Variants in MRPL47 observed in about 807,000 individuals in gnomAD.
MRPL47 encodes the protein large ribosomal subunit protein uL29m.
Under a neutral mutation model 34.0 loss-of-function variants are expected in MRPL47, and 31 were observed. The observed-to-expected ratio is 0.91, with a 90% CI of 0.68 to 1.23. The LOEUF (loss-of-function observed/expected upper bound fraction) is 1.23. Among genes scored for constraint, MRPL47 ranks in the 50% most tolerant of loss-of-function variants. The pLI is 0.00. For synonymous variants in MRPL47, 106 were observed against 101.6 expected, an observed-to-expected ratio of 1.04 and a Z score of -0.26; for missense variants, 328 against 285.8, an observed-to-expected ratio of 1.15 and a Z score of -1.07.
intron 4 of MRPL47, 35 bp from the exon 5 acceptor site, chr3:179,593,930 T>C (rs1718733541): frequency 6.3e-7 from 1 of 1,587,030 alleles, no homozygotes; most frequent in Non-Finnish European, 8.6e-7. Context: ...ATTTCAACAA[T>C]CATCTACTAC....
intron 3 of MRPL47, among the ~76,000 whole-genome samples, chr3:179,600,093 C>A (rs1718891949): frequency 6.6e-6 from 1 of 151,494 alleles, no homozygotes; most frequent in Non-Finnish European, 1.5e-5. Context: ...TGCACTCCGG[C>A]CTGGGCGACA....
chr3:179,588,851 A>T lies in MRPL47; in HGVS notation c.*21T>A. On this transcript the variant is annotated 3_prime_UTR_variant, in exon 7 of 7. Coordinates refer to ENST00000476781, the MANE Select transcript of MRPL47 (RefSeq NM_020409.3). The stretch of plus-strand genomic sequence containing the variant: ...GACTATTCAAGAAAAACAAAATGGT[A>T]AATTTAATAGTTCAGACATCTTAGA... The T allele has an allele frequency of 6.2e-7, 1 of 1,605,262 alleles. No homozygotes were observed.
rs1718624781 is a variant in MRPL47, at chr3:179,589,719, G to A, written c.630-724C>T. On this transcript the variant is annotated intron_variant, in intron 6 of 6. Transcript: ENST00000476781. ...AATACAATATGCCAGTGCTATGGGA[G>A]AGGTCATAGAAAATTGAGATAACAC... 2.0e-5 allele frequency among the ~76,000 whole-genome samples: 3 copies of A among 152,146 alleles called. No individual in the cohort carries two copies. In the South Asian group the frequency reaches 6.2e-4, roughly 32 times the overall value.
intron 1 of MRPL47, among the ~76,000 whole-genome samples, chr3:179,603,594 ATACTTCCTCCTT>A (rs1302517685): frequency 2.0e-5 from 3 of 152,180 alleles, no homozygotes; most frequent in Non-Finnish European, 4.4e-5. Flanking sequence ...GGAGCCTCAA[ATACTTCCTCCTT>A]TAATTCAGTA....
intron 2 of MRPL47, 69 bp downstream of exon 2, chr3:179,602,583 G>T: frequency 3.7e-6 from 3 of 800,554 alleles, no homozygotes; most frequent in Non-Finnish European, 3.9e-6. Context: ...ATCCTAGAAC[G>T]ATGGTTGGGC....
chr3:179,596,553 C>T (rs1000484349), intron 4 of MRPL47, among the ~76,000 whole-genome samples: 4 of 152,170 alleles, frequency 2.6e-5, no homozygotes, highest in Admixed American at 2.0e-4. Context: ...AGATAATCCA[C>T]GGTTGAAGTT....
At chr3:179,603,218 G>A (rs187072911) in intron 1 of MRPL47, among the ~76,000 whole-genome samples, 1 of 152,290 alleles carries the variant, frequency 6.6e-6, no homozygotes, top group East Asian at 1.9e-4. Flanking sequence ...ATGGGTGCAA[G>A]CGCAGGTAAA....
intron 3 of MRPL47, among the ~76,000 whole-genome samples, chr3:179,601,144 G>C (rs570776430): frequency 3.5e-4 from 53 of 152,342 alleles, no homozygotes; most frequent in African/African-American, 1.3e-3. Flanking sequence ...GGGCACAGTG[G>C]CTCATGCCTG....
chr3:179,589,074 C>G (rs1718601574), intron 6 of MRPL47, 79 bp from the exon 7 acceptor site: 1 of 1,369,004 alleles, frequency 7.3e-7, no homozygotes, highest in East Asian at 2.3e-5. Context: ...ATGCATAAAT[C>G]AATTACATCA....
chr3:179,598,571 G>A (rs1198079282), intron 4 of MRPL47, 104 bp downstream of exon 4: 6 of 765,656 alleles, frequency 7.8e-6, no homozygotes, highest in African/African-American at 1.7e-5. Flanking sequence ...AAAATCAAAC[G>A]AATAAGAAAA....
intron 2 of MRPL47, 75 bp downstream of exon 2, chr3:179,602,577 T>C (rs929143296): frequency 9.8e-5 from 76 of 773,918 alleles, no homozygotes; most frequent in Non-Finnish European, 1.1e-4. Context: ...TATATAATCC[T>C]AGAACGATGG....
In MRPL47 at chr3:179,588,795, A is replaced by G; in HGVS notation, c.*77T>C. 7.3e-7 allele frequency: 1 copy of G among 1,367,760 alleles called. No individual in the cohort carries two copies. The allele number at this position is 1,367,760 out of a possible 1,614,324, so 84.7% of individuals were successfully genotyped here. A position where few individuals can be genotyped will look rare whatever the true frequency, so the allele number is the denominator to read the frequency against. On this transcript the variant is annotated 3_prime_UTR_variant, in exon 7 of 7. Coordinates refer to ENST00000476781, the MANE Select transcript of MRPL47 (RefSeq NM_020409.3). Reference sequence around the variant, plus strand: ...TTGACTAAAAACAGAATTTCTTTATAAACCACTTAACATATTTACTCCTGT... The same window carrying G: ...TTGACTAAAAACAGAATTTCTTTATGAACCACTTAACATATTTACTCCTGT...
intron 4 of MRPL47, among the ~76,000 whole-genome samples, chr3:179,594,450 A>G (rs765644255): frequency 4.8e-4 from 73 of 152,216 alleles, no homozygotes; most frequent in Middle Eastern, 3.4e-3. Flanking sequence ...TAAGATTTCT[A>G]TTGTTTTATA....
At chr3:179,592,384 C>A (rs771036832) in intron 6 of MRPL47, among the ~76,000 whole-genome samples, 27 of 151,518 alleles carry the variant, frequency 1.8e-4, no homozygotes, top group Non-Finnish European at 3.4e-4. Context: ...TTAGTAGAGA[C>A]GGGGTTTCAC....
rs17770187 is a variant in MRPL47 at position 179,589,320 on chromosome 3, G to A, written c.630-325C>T. On this transcript the variant is annotated intron_variant, in intron 6 of 6. Transcript: ENST00000476781. ...AGCAGAGTGTTATTCTGTGTATAGG[G>A]GAAATGATAAGCTAGAGTGAGTACT... Among the ~76,000 whole-genome samples, 431 of 152,214 alleles carry A rather than the reference G, an allele frequency of 2.8e-3. 11 individuals are homozygous for A. The highest frequency in any genetic ancestry group is 0.022 in the Admixed American group (343 of 15,288).
chr3:179,594,050 A>C (rs2108380255), intron 4 of MRPL47, among the ~76,000 whole-genome samples, 155 bp from the exon 5 acceptor site: 1 of 152,346 alleles, frequency 6.6e-6, no homozygotes, highest in South Asian at 2.1e-4. Flanking sequence ...TTTTGGCACA[A>C]GTATGTCTAC....
In MRPL47 at chr3:179,604,562, T is replaced by C. The variant is rs777428724; in HGVS notation, c.63A>G (p.Arg21=). Residue 21 remains arginine, a synonymous_variant, in exon 1 of 7, where the codon CGA becomes CGG. Coordinates refer to ENST00000476781, the MANE Select transcript of MRPL47 (RefSeq NM_020409.3). Reference sequence around the variant, plus strand: ...CAGGGACCTGAGGAGTTATTAACGATCGGGAAGATTTCAGGGCGGATGAAA... The same window carrying C: ...CAGGGACCTGAGGAGTTATTAACGACCGGGAAGATTTCAGGGCGGATGAAA... ...RRVSSALKSS[R]SLITPQVPAC... is the part of the protein sequence containing the mutation. 7.4e-6 allele frequency: 12 copies of C among 1,614,084 alleles called. No individual in the cohort carries two copies.
chr3:179,599,836 C>T (rs1024758195), intron 3 of MRPL47, among the ~76,000 whole-genome samples: 5 of 152,214 alleles, frequency 3.3e-5, no homozygotes, highest in African/African-American at 9.6e-5. Flanking sequence ...TTTGGGAATA[C>T]GAGTTGGGGC....
intron 6 of MRPL47, among the ~76,000 whole-genome samples, chr3:179,591,613 A>G (rs1718674102): frequency 6.6e-6 from 1 of 151,898 alleles, no homozygotes; most frequent in East Asian, 1.9e-4. Context: ...CTGCAGGACA[A>G]CATGAGTTTA....
Sources: allele counts gnomAD v4.1 joint callset (sites outside exome capture counted in the v4.1 genomes callset), GRCh38; gene constraint gnomAD v4.1.1; transcripts MANE v1.5; gene names NCBI Gene and HGNC (gene_info 2026-07-23, HGNC 2026-07-21).